TOMM20L: variants seen among roughly 807,000 people sequenced by gnomAD.
TOMM20L encodes the protein translocase of outer mitochondrial membrane 20 like.
TOMM20L carries 19 observed loss-of-function variants against 20.4 expected under a neutral mutation model. The ratio of observed to expected loss-of-function variants is 0.93; its 90% CI spans 0.65 to 1.36. The LOEUF is 1.36. TOMM20L is among the 40% of genes most tolerant of loss of function. The pLI is 0.00. For missense variants in TOMM20L, 218 were observed against 203.7 expected, an observed-to-expected ratio of 1.07 and a Z score of -0.43; for synonymous variants, 75 against 79.6, an observed-to-expected ratio of 0.94 and a Z score of 0.30.
downstream of TOMM20L, chr14:58,408,975 AT>A: frequency 6.3e-7 from 1 of 1,583,436 alleles, no homozygotes; most frequent in South Asian, 1.2e-5. Context: ...ATGAGTCCTC[AT>A]TTCCAATAAA....
At chr14:58,407,219 A>T in intron 3 of TOMM20L, 107 bp from the exon 4 acceptor site, 1 of 1,066,684 alleles carries the variant, frequency 9.4e-7, no homozygotes, top group Non-Finnish European at 1.4e-6. Flanking sequence ...AGTAGTCTTT[A>T]GTTGGATATG....
At chr14:58,404,090 C>CATATAT (rs2036023608) in intron 3 of TOMM20L, among the ~76,000 whole-genome samples, 2 of 16,836 alleles carry the variant, frequency 1.2e-4, no homozygotes, top group South Asian at 4.9e-3. Flanking sequence ...TGTATATATA[C>CATATAT]ATATATATGT....
rs763029164 is a variant in TOMM20L at position 58,408,553 on chromosome 14, C to A, written c.430C>A (p.Gln144Lys). ...GCAATTTGAGGCAGACATGAATGAA[C>A]AGGACTGCTTGGAGGATGATCCTGA... Reference protein sequence around the residue: ...CQQFEADMNEQDCLEDDPD With the variant: ...CQQFEADMNEKDCLEDDPD The change falls in exon 5 of 5, where the codon CAG (glutamine) becomes AAG (lysine). Residue 144 changes from glutamine (Q) to lysine (K), a missense_variant. By Grantham distance (53) the Gln-to-Lys change is moderately conservative. Transcript: ENST00000360945. The A allele has an allele frequency of 6.2e-7, 1 of 1,613,920 alleles. No homozygotes were observed. The highest frequency in any genetic ancestry group is 1.3e-5 in the African/African-American group (1 of 74,996).
At chr14:58,408,704 A>C (rs924793886), downstream of TOMM20L, 9 of 911,860 alleles carry the variant, frequency 9.9e-6, no homozygotes, top group African/African-American at 1.6e-4. Flanking sequence ...TATCTCATAC[A>C]TGATCGAACA....
intron 2 of TOMM20L, 123 bp from the exon 3 acceptor site, chr14:58,402,557 G>C (rs1302138719): frequency 7.4e-6 from 5 of 679,070 alleles, no homozygotes; most frequent in Admixed American, 2.5e-5. Context: ...CAAAGTGTTG[G>C]GATTACAGGT....
At chr14:58,406,718 G>C (rs2036063534) in intron 3 of TOMM20L, among the ~76,000 whole-genome samples, 3 of 152,178 alleles carry the variant, frequency 2.0e-5, no homozygotes, top group Non-Finnish European at 4.4e-5. Context: ...AACTTAAACA[G>C]AAATCCTATG....
chr14:58,403,503 T>C (rs1948602742), intron 3 of TOMM20L, among the ~76,000 whole-genome samples: 1 of 152,210 alleles, frequency 6.6e-6, no homozygotes, highest in Admixed American at 6.5e-5. Context: ...GTGATGCCTG[T>C]CGGGGCTACC....
chr14:58,404,824 A>T (rs547983790), intron 3 of TOMM20L, among the ~76,000 whole-genome samples: 6 of 152,270 alleles, frequency 3.9e-5, no homozygotes, highest in African/African-American at 1.4e-4. Context: ...TTTGAAATGG[A>T]CTAAAAATAC....
chr14:58,401,770 A>G (rs2035996326), intron 2 of TOMM20L, among the ~76,000 whole-genome samples: 1 of 152,164 alleles, frequency 6.6e-6, no homozygotes, highest in African/African-American at 2.4e-5. Flanking sequence ...TGATGATGCC[A>G]TCTTGTGGCC....
chr14:58,415,349 G>T, the TOMM20L span, among the ~76,000 whole-genome samples: 1 of 152,026 alleles, frequency 6.6e-6, no homozygotes, highest in Non-Finnish European at 1.5e-5. Flanking sequence ...GAACTAGGAA[G>T]ATCTCAAACT....
rs575523442 is a variant in TOMM20L, at chr14:58,408,444, G to A, written c.406-85G>A. ...AAAAAAAAAAAAAAGAAAAGTATAT[G>A]TAATGCCCACCCTGACACAAGGGAG... On this transcript the variant is annotated intron_variant, in intron 4 of 4. Coordinates refer to ENST00000360945, the MANE Select transcript of TOMM20L (RefSeq NM_207377.3). 16 of 1,139,514 alleles carry A rather than the reference G, an allele frequency of 1.4e-5. 1 individual carries two copies. The South Asian group carries it at 2.0e-4, about 14-fold the overall frequency. 70.6% of individuals were successfully genotyped at this position (1,139,514 alleles called of 1,614,324 possible).
downstream of TOMM20L, among the ~76,000 whole-genome samples, chr14:58,412,816 G>A (rs530807238): frequency 6.6e-6 from 1 of 152,102 alleles, no homozygotes; most frequent in South Asian, 2.1e-4. Flanking sequence ...CAGGAGAATC[G>A]CTTGAACTCA....
At chr14:58,402,783 T>C in intron 3 of TOMM20L, 22 bp downstream of exon 3, 2 of 1,539,790 alleles carry the variant, frequency 1.3e-6, no homozygotes, top group Non-Finnish European at 1.8e-6. Context: ...AATGTTCTTT[T>C]GTGAGTTATG....
At chr14:58,400,525 T>C (rs752059820) in intron 2 of TOMM20L, among the ~76,000 whole-genome samples, 1 of 151,808 alleles carries the variant, frequency 6.6e-6, no homozygotes, top group Non-Finnish European at 1.5e-5. Flanking sequence ...GGATTGGAAA[T>C]AATATATGTA....
At chr14:58,409,249 G>A, downstream of TOMM20L, 3 of 1,509,096 alleles carry the variant, frequency 2.0e-6, no homozygotes, top group South Asian at 1.2e-5. Context: ...AAGAATCAGT[G>A]GGGTAGTTTG....
downstream of TOMM20L, chr14:58,410,860 C>T (rs771579424): frequency 6.2e-7 from 1 of 1,609,296 alleles, no homozygotes; most frequent in South Asian, 1.1e-5. Flanking sequence ...GGTTTTACTT[C>T]TCTTGTTGTG....
At chr14:58,409,861 A>G (rs1470777405), downstream of TOMM20L, among the ~76,000 whole-genome samples, 2 of 151,986 alleles carry the variant, frequency 1.3e-5, no homozygotes, top group Non-Finnish European at 2.9e-5. Context: ...TCCAGGCGTG[A>G]GCCACCGCGC....
chr14:58,408,431 AAG>A, intron 4 of TOMM20L, 96 bp from the exon 5 acceptor site: 6 of 1,143,204 alleles, frequency 5.2e-6, no homozygotes, highest in East Asian at 4.9e-5. Flanking sequence ...AAAAAAAAAA[AAG>A]AAAAGTATAT....
intron 2 of TOMM20L, among the ~76,000 whole-genome samples, chr14:58,396,816 C>T (rs779197190): frequency 6.6e-6 from 1 of 152,180 alleles, no homozygotes; most frequent in Non-Finnish European, 1.5e-5. Context: ...AGAGGCGGGC[C>T]GGGCTTGGTG....
Sources: allele counts gnomAD v4.1 joint callset (sites outside exome capture counted in the v4.1 genomes callset), GRCh38; gene constraint gnomAD v4.1.1; transcripts MANE v1.5; gene names NCBI Gene and HGNC (gene_info 2026-07-23, HGNC 2026-07-21).